Variants in SLC4A4 observed in about 807,000 individuals in gnomAD.
SLC4A4 encodes the protein electrogenic sodium bicarbonate cotransporter 1.
SLC4A4 carries 27 observed loss-of-function variants against 111.5 expected under a neutral mutation model. The ratio of observed to expected loss-of-function variants is 0.24; its 90% CI spans 0.18 to 0.33. The LOEUF is 0.33. SLC4A4 is among the 10% of genes least tolerant of loss of function. The probability of loss-of-function intolerance (pLI) is 1.00; values close to 1 mark genes in which losing one functional copy is unlikely to be tolerated. For missense variants in SLC4A4, 909 were observed against 1,315.5 expected, an observed-to-expected ratio of 0.69 and a Z score of 4.78; for synonymous variants, 443 against 463.4, an observed-to-expected ratio of 0.96 and a Z score of 0.57.
intron 2 of SLC4A4, among the ~76,000 whole-genome samples, chr4:71,179,895 T>A (rs1193679288): frequency 6.6e-6 from 1 of 152,096 alleles, no homozygotes; most frequent in Admixed American, 6.6e-5. Context: ...CATTGCCAAG[T>A]CAATCCGAAG....
At chr4:71,255,506 G>A (rs1357717270) in intron 3 of SLC4A4, 107 bp downstream of exon 3, 2 of 1,116,660 alleles carry the variant, frequency 1.8e-6, no homozygotes, top group Non-Finnish European at 2.7e-6. Context: ...CTGTAATACT[G>A]AGATGTTTAG....
chr4:71,290,834 G>A (rs1724290083), intron 3 of SLC4A4, among the ~76,000 whole-genome samples: 1 of 152,102 alleles, frequency 6.6e-6, no homozygotes, highest in South Asian at 2.1e-4. Flanking sequence ...AAAATCTTTG[G>A]GAAAATGTAA....
At chr4:71,091,744 A>G (rs1742397701) in intron 1 of SLC4A4, among the ~76,000 whole-genome samples, 1 of 152,102 alleles carries the variant, frequency 6.6e-6, no homozygotes, top group African/African-American at 2.4e-5. Context: ...GAAATACTAC[A>G]TGTCCCTATT....
intron 2 of SLC4A4, among the ~76,000 whole-genome samples, chr4:71,247,345 A>T (rs1720750397): frequency 6.7e-6 from 1 of 148,330 alleles, no homozygotes; most frequent in African/African-American, 2.4e-5. Context: ...ATTAACATAT[A>T]TTAAAATATA....
intron 3 of SLC4A4, among the ~76,000 whole-genome samples, chr4:71,311,857 G>A (rs1196822103): frequency 6.9e-6 from 1 of 145,886 alleles, no homozygotes; most frequent in East Asian, 2.1e-4. Flanking sequence ...CCCTCACTCA[G>A]CAATGAGGAG....
At chr4:71,142,673 T>C (rs920132798) in intron 2 of SLC4A4, among the ~76,000 whole-genome samples, 1 of 152,074 alleles carries the variant, frequency 6.6e-6, no homozygotes, top group African/African-American at 2.4e-5. Flanking sequence ...CTTTCTGTTG[T>C]TCTTGGAGAT....
intron 16 of SLC4A4, among the ~76,000 whole-genome samples, chr4:71,520,592 CAATT>C (rs1297341781): frequency 2.0e-5 from 3 of 152,204 alleles, no homozygotes; most frequent in Non-Finnish European, 4.4e-5. Flanking sequence ...GGCTAGATGA[CAATT>C]AACAGCCTTT....
chr4:71,361,660 C>G (rs891313228), intron 6 of SLC4A4, among the ~76,000 whole-genome samples: 1 of 151,964 alleles, frequency 6.6e-6, no homozygotes, highest in Non-Finnish European at 1.5e-5. Flanking sequence ...ATGAAATTGC[C>G]AAAGGTAAAA....
At chr4:71,507,998 A>G (rs1310973271) in intron 16 of SLC4A4, among the ~76,000 whole-genome samples, 1 of 152,212 alleles carries the variant, frequency 6.6e-6, no homozygotes, top group East Asian at 1.9e-4. Context: ...TGGGAAAATA[A>G]TGAAATTAAG....
At chr4:71,080,096 C>T (rs1420925918) in intron 1 of SLC4A4, among the ~76,000 whole-genome samples, 1 of 152,060 alleles carries the variant, frequency 6.6e-6, no homozygotes, top group Non-Finnish European at 1.5e-5. Flanking sequence ...GTTTCTCTGA[C>T]AGCAGGTCTG....
At chr4:71,376,099 G>GTA (rs549749452) in intron 6 of SLC4A4, among the ~76,000 whole-genome samples, 120 of 142,834 alleles carry the variant, frequency 8.4e-4, no homozygotes, top group Middle Eastern at 3.8e-3. Context: ...ATATACGTGT[G>GTA]TATATATATA....
chr4:71,372,441 T>G (rs953604782), intron 6 of SLC4A4, among the ~76,000 whole-genome samples: 18 of 152,220 alleles, frequency 1.2e-4, no homozygotes, highest in Non-Finnish European at 2.9e-5. Context: ...CTAAATGCCT[T>G]GCCATTATTA....
intron 16 of SLC4A4, among the ~76,000 whole-genome samples, chr4:71,529,396 C>T (rs551346795): frequency 2.0e-5 from 3 of 152,192 alleles, no homozygotes; most frequent in South Asian, 2.1e-4. Context: ...ATAGATCTTT[C>T]AGGGCATTTT....
intron 1 of SLC4A4, among the ~76,000 whole-genome samples, chr4:71,087,138 G>A (rs537356524): frequency 2.0e-5 from 3 of 152,152 alleles, no homozygotes; most frequent in South Asian, 4.2e-4. Flanking sequence ...TCTTGGGAGG[G>A]TGTATGTATC....
intron 2 of SLC4A4, among the ~76,000 whole-genome samples, chr4:71,251,205 T>C (rs1026383222): frequency 4.6e-5 from 7 of 152,240 alleles, no homozygotes; most frequent in Non-Finnish European, 7.3e-5. Flanking sequence ...TAAATCATCC[T>C]TGGTAGCAAA....
intron 2 of SLC4A4, among the ~76,000 whole-genome samples, chr4:71,106,283 G>C (rs1325508643): frequency 6.0e-5 from 9 of 150,132 alleles, no homozygotes; most frequent in Non-Finnish European, 1.3e-4. Context: ...ACAGGTGCTG[G>C]AGAGGATGTG....
At chr4:71,271,510 T>C (rs552060678) in intron 3 of SLC4A4, among the ~76,000 whole-genome samples, 1 of 152,312 alleles carries the variant, frequency 6.6e-6, no homozygotes, top group Non-Finnish European at 1.5e-5. Context: ...GAACACACAA[T>C]ATCCAGAACC....
At chr4:71,542,520 A>G (rs948461019) in intron 18 of SLC4A4, among the ~76,000 whole-genome samples, 5 of 152,012 alleles carry the variant, frequency 3.3e-5, no homozygotes, top group Non-Finnish European at 5.9e-5. Flanking sequence ...TCTCTAGCCT[A>G]ATTTTCTACC....
At chr4:71,083,781 GC>G (rs1187742772) in intron 1 of SLC4A4, among the ~76,000 whole-genome samples, 1 of 107,810 alleles carries the variant, frequency 9.3e-6, no homozygotes, top group Non-Finnish European at 1.7e-5. Context: ...TTTAATCCCC[GC>G]CCCCCGCCCC....
Sources: gnomAD v4.1 joint callset for allele counts (sites outside exome capture counted in the v4.1 genomes callset) on GRCh38, gnomAD v4.1.1 for gene constraint, MANE v1.5 for transcripts, NCBI Gene and HGNC (gene_info 2026-07-23, HGNC 2026-07-21) for gene names.